Variants in DDX27 observed in about 807,000 individuals in gnomAD.
The protein encoded by DDX27 is DEAD-box helicase 27.
In DDX27, 42 loss-of-function variants were observed where a neutral mutation model predicts 99.3. The observed-to-expected ratio is 0.42, with a 90% CI of 0.33 to 0.55. DDX27 has a LOEUF of 0.55. DDX27 is among the 20% of genes least tolerant of loss of function. DDX27 has a pLI of 0.07. For synonymous variants in DDX27, 329 were observed against 353.8 expected (o/e 0.93, Z 0.79); for missense variants, 798 against 976.8 (o/e 0.82, Z 2.44).
intron 18 of DDX27, 56 bp from the exon 19 acceptor site, chr20:49,242,538 G>A: frequency 6.5e-7 from 1 of 1,537,030 alleles, no homozygotes; most frequent in Non-Finnish European, 9.0e-7. Flanking sequence ...AACTTAAGGG[G>A]ATTTAGGAGC....
At chr20:49,221,305 C>A (rs1300047651) in intron 1 of DDX27, 147 bp from the exon 2 acceptor site, 2 of 784,966 alleles carry the variant, frequency 2.5e-6, no homozygotes, top group Non-Finnish European at 2.0e-6. Flanking sequence ...GTTGGTCAGG[C>A]TGGTCTTGAA....
At chr20:49,230,990 C>T (rs906734549) in intron 9 of DDX27, 2 of 152,364 alleles carry the variant, frequency 1.3e-5, no homozygotes, top group African/African-American at 4.8e-5. Context: ...GTTCTGAATT[C>T]TTAGCGTGTC....
Position 49,234,761 on chromosome 20 carries a change from C to T in DDX27, c.1274-174C>T, listed in dbSNP as rs189184960. 155 of 650,304 alleles carry T rather than the reference C, an allele frequency of 2.4e-4. 1 individual carries two copies. In the East Asian group the frequency reaches 4.9e-3, roughly 20 times the overall value. The allele number at this position is 650,304 out of a possible 1,614,324, so 40.3% of individuals were successfully genotyped here. The stretch of plus-strand genomic sequence containing the variant: ...GCACTCTCTCTCACAGCATTTTTCA[C>T]CCCCCAGGAATTGGCTTCTCTGTAT... On this transcript the variant is annotated intron_variant, in intron 11 of 20. Transcript: ENST00000618172.
At chr20:49,224,552 G>A (rs1979808141) in intron 4 of DDX27, among the ~76,000 whole-genome samples, 1 of 151,968 alleles carries the variant, frequency 6.6e-6, no homozygotes, top group Non-Finnish European at 1.5e-5. Flanking sequence ...TAGTAGAGAT[G>A]GGGTTTCACC....
chr20:49,223,494 A>G, intron 4 of DDX27, 61 bp downstream of exon 4: 3 of 1,490,694 alleles, frequency 2.0e-6, no homozygotes, highest in Admixed American at 4.2e-5. Context: ...ATCCTCCTTT[A>G]CTTTGTAGGG....
chr20:49,236,053 T>C lies in DDX27; in HGVS notation c.1428-97T>C. 8.0e-7 allele frequency: 1 copy of C among 1,243,156 alleles called. No homozygotes were observed. Among genetic ancestry groups the C allele is most frequent in the Non-Finnish European group, 1.1e-6 (1 of 891,542 alleles). The allele number at this position is 1,243,156 out of a possible 1,614,324, so 77.0% of individuals were successfully genotyped here. A position where few individuals can be genotyped will look rare whatever the true frequency, so the allele number is the denominator to read the frequency against. ...CCACCGTGCCCAGCCTCTATCCCCA[T>C]TTTAATGCCCTGTTCTGTCCTCTGC... On this transcript the variant is annotated intron_variant, in intron 12 of 20. Transcript: ENST00000618172. The surrounding 1 kb of genome is among the most constrained non-coding windows in gnomAD (Gnocchi z 4.1).
chr20:49,223,188 C>T (rs981884856), intron 3 of DDX27, 80 bp from the exon 4 acceptor site: 2 of 1,472,506 alleles, frequency 1.4e-6, no homozygotes, highest in Admixed American at 2.2e-5. Context: ...TTCATTCAGG[C>T]CGGAGAGCTT....
intron 4 of DDX27, among the ~76,000 whole-genome samples, chr20:49,224,368 T>TC (rs1395125128): frequency 2.0e-5 from 3 of 148,704 alleles, no homozygotes; most frequent in East Asian, 2.0e-4. Context: ...CTTTCTTTCT[T>TC]TTTTTTTTTT....
intron 7 of DDX27, among the ~76,000 whole-genome samples, chr20:49,227,258 C>G (rs923104683): frequency 6.6e-6 from 1 of 152,168 alleles, no homozygotes; most frequent in Non-Finnish European, 1.5e-5. Context: ...CTCTCGAATC[C>G]TTCATCAATG....
rs575821158 is a variant in DDX27 at position 49,220,263 on chromosome 20, C to T, written c.93+722C>T. Among the ~76,000 whole-genome samples the T allele has an allele frequency of 3.9e-5, 6 of 152,266 alleles. No individual in the cohort carries two copies. The South Asian group carries it at 1.0e-3, about 26-fold the overall frequency. ...ATTCTTGACAGTTTTTTCTTCCTCA[C>T]CGCCGCCAGTGCTCTGCAAGCTAGC... On this transcript the variant is annotated intron_variant, in intron 1 of 20. Coordinates refer to ENST00000618172, the MANE Select transcript of DDX27 (RefSeq NM_017895.8).
chr20:49,229,589 A>G (rs894407114), intron 8 of DDX27, among the ~76,000 whole-genome samples: 1 of 151,758 alleles, frequency 6.6e-6, no homozygotes, highest in Non-Finnish European at 1.5e-5. Context: ...TCTCCCTGTA[A>G]CAGACACCTC....
intron 4 of DDX27, among the ~76,000 whole-genome samples, chr20:49,224,225 T>C (rs1979793351): frequency 6.6e-6 from 1 of 152,136 alleles, no homozygotes; most frequent in Non-Finnish European, 1.5e-5. Context: ...GTTTGGGTTG[T>C]TGTACTTCAT....
rs1600976922 is a variant in DDX27 at position 49,240,446 on chromosome 20, C to T, written c.1897+1108C>T. On this transcript the variant is annotated intron_variant, in intron 16 of 20. Coordinates refer to ENST00000618172, the MANE Select transcript of DDX27 (RefSeq NM_017895.8). ...TGCTGCCCTTTTTGTTTTTTGTTTTCAGACGGAGTCTTGCTCTGTCACTGA... is the reference window on the plus strand; with the variant it reads ...TGCTGCCCTTTTTGTTTTTTGTTTTTAGACGGAGTCTTGCTCTGTCACTGA... 2.0e-5 allele frequency among the ~76,000 whole-genome samples: 3 copies of T among 152,010 alleles called. No individual in the cohort carries two copies. The South Asian group carries it at 6.2e-4, about 32-fold the overall frequency.
rs1980256946 is a variant in DDX27 at position 49,235,011 on chromosome 20, C to G, written c.1350C>G (p.Ile450Met). 6.2e-7 allele frequency: 1 copy of G among 1,613,604 alleles called. No individual in the cohort carries two copies. The highest frequency in any genetic ancestry group is 8.5e-7 in the Non-Finnish European group (1 of 1,179,832). ...AGAAGCAGGCCCACCGCATGCACATCCTCCTGGGGCTCATGGGGCTGCAGG... is the reference window on the plus strand; with the variant it reads ...AGAAGCAGGCCCACCGCATGCACATGCTCCTGGGGCTCATGGGGCTGCAGG... ...QTKKQAHRMH[I>M]LLGLMGLQVG... Residue 450 changes from isoleucine to methionine, a missense_variant, in exon 12 of 21, where the codon ATC becomes ATG. Coordinates refer to ENST00000618172, the MANE Select transcript of DDX27 (RefSeq NM_017895.8).
intron 1 of DDX27, among the ~76,000 whole-genome samples, chr20:49,220,402 C>T (rs1215689237): frequency 6.6e-6 from 1 of 152,182 alleles, no homozygotes; most frequent in South Asian, 2.1e-4. Context: ...TCCAAACATA[C>T]TTCATCTTCA....
chr20:49,228,685 TC>T, intron 7 of DDX27, 29 bp from the exon 8 acceptor site: 1 of 1,566,396 alleles, frequency 6.4e-7, no homozygotes, highest in Non-Finnish European at 8.7e-7. Flanking sequence ...AAACTTCTTC[TC>T]ATTGCTTCCT....
chr20:49,233,267 C>T (rs781541481), intron 9 of DDX27, 39 bp from the exon 10 acceptor site: 21 of 1,516,096 alleles, frequency 1.4e-5, no homozygotes, highest in Non-Finnish European at 1.9e-5. Flanking sequence ...GACCGAAGAG[C>T]ACTCTCTCCA....
intron 7 of DDX27, among the ~76,000 whole-genome samples, chr20:49,226,780 G>A (rs1979904480): frequency 6.6e-6 from 1 of 150,916 alleles, no homozygotes; most frequent in Admixed American, 6.6e-5. Flanking sequence ...GGGATTACAG[G>A]CATGAGCCAC....
At position 49,242,117 on chromosome 20, in the gene DDX27, C is replaced by T. The variant is rs941712714; in HGVS notation, c.2027C>T (p.Ala676Val). Reference protein sequence around the residue: ...EERSQFEILKAQMFAERLAKR... With the variant: ...EERSQFEILKVQMFAERLAKR... ...AGGTCTCAGTTTGAAATCCTCAAGG[C>T]GCAGATGTTTGCTGAACGGCTAGCG... is the stretch of plus-strand genomic sequence containing the variant. Residue 676 changes from alanine (A) to valine (V), a missense_variant, in exon 18 of 21, where the codon GCG (alanine) becomes GTG (valine). This residue lies in a region of DDX27 where 553 missense variants were observed against 727.9 expected (regional missense o/e 0.76). Transcript: ENST00000618172. The T allele has an allele frequency of 3.7e-6, 6 of 1,614,172 alleles. No individual in the cohort carries two copies. The highest frequency in any genetic ancestry group is 2.7e-5 in the African/African-American group (2 of 75,056).
Sources: gnomAD v4.1 joint callset for allele counts (sites outside exome capture counted in the v4.1 genomes callset) on GRCh38, gnomAD v4.1.1 for gene constraint, gnomAD v4.1.1 regional missense constraint, Gnocchi (gnomAD v3.1) non-coding constraint, MANE v1.5 for transcripts, NCBI Gene and HGNC (gene_info 2026-07-23, HGNC 2026-07-21) for gene names.